The following TLL2 variants were observed in gnomAD, a reference collection of about 807,000 sequenced individuals.
TLL2 encodes tolloid-like protein 2.
TLL2 carries 106 observed loss-of-function variants against 123.0 expected under a neutral mutation model. The ratio of observed to expected loss-of-function variants is 0.86; its 90% CI spans 0.74 to 1.01. TLL2 has a LOEUF of 1.01. Among genes scored for constraint, TLL2 ranks in the 50% least tolerant of loss-of-function variants. The probability of loss-of-function intolerance (pLI) is 0.00; values close to 1 mark genes in which losing one functional copy is unlikely to be tolerated. For synonymous variants in TLL2, 494 were observed against 516.8 expected (o/e 0.96, Z 0.60); for missense variants, 1,332 against 1,336.7 (o/e 1.00, Z 0.06).
chr10:96,497,334 A>G (rs1008719105), intron 1 of TLL2, among the ~76,000 whole-genome samples: 1 of 152,158 alleles, frequency 6.6e-6, no homozygotes, highest in Non-Finnish European at 1.5e-5. Context: ...TACAGATACT[A>G]AAAATATTTC....
intron 3 of TLL2, among the ~76,000 whole-genome samples, chr10:96,444,648 C>T (rs1332866359): frequency 6.6e-6 from 1 of 151,764 alleles, no homozygotes; most frequent in East Asian, 1.9e-4. Context: ...CCTGGGAAAG[C>T]GTAGAGGGTT....
intron 7 of TLL2, among the ~76,000 whole-genome samples, chr10:96,417,631 T>A (rs1846576373): frequency 6.6e-6 from 1 of 152,184 alleles, no homozygotes; most frequent in South Asian, 2.1e-4. Context: ...GGCTTGCAGC[T>A]TCCCCGCTTG....
At chr10:96,386,630 G>A (rs1047100605) in intron 14 of TLL2, among the ~76,000 whole-genome samples, 2 of 152,208 alleles carry the variant, frequency 1.3e-5, no homozygotes, top group Non-Finnish European at 2.9e-5. Context: ...AGTGCTATCG[G>A]TTGAGTCACT....
At chr10:96,497,458 G>C (rs369259770) in intron 1 of TLL2, among the ~76,000 whole-genome samples, 3 of 152,156 alleles carry the variant, frequency 2.0e-5, no homozygotes, top group Non-Finnish European at 4.4e-5. Flanking sequence ...TTCTGTGGAC[G>C]GCATCCTCCA....
At chr10:96,510,987 G>A (rs1027289028) in intron 1 of TLL2, among the ~76,000 whole-genome samples, 2 of 152,116 alleles carry the variant, frequency 1.3e-5, no homozygotes, top group Admixed American at 6.5e-5. Flanking sequence ...GAGGGGAGTC[G>A]TCCCGGTAAC....
At chr10:96,464,166 C>T (rs560682620) in intron 2 of TLL2, among the ~76,000 whole-genome samples, 2 of 152,128 alleles carry the variant, frequency 1.3e-5, no homozygotes, top group East Asian at 3.9e-4. Context: ...AGTAGGATTA[C>T]TTGAGTCAGG....
chr10:96,447,860 G>A (rs1846913922), intron 2 of TLL2, among the ~76,000 whole-genome samples: 1 of 152,156 alleles, frequency 6.6e-6, no homozygotes, highest in Admixed American at 6.5e-5. Context: ...ACCCAGGGTT[G>A]CCCAGCCCAT....
chr10:96,462,278 T>C (rs951713980), intron 2 of TLL2, among the ~76,000 whole-genome samples: 3 of 152,178 alleles, frequency 2.0e-5, no homozygotes, highest in African/African-American at 7.2e-5. Flanking sequence ...CTTCCCCTAG[T>C]GTTCTAACAG....
intron 2 of TLL2, among the ~76,000 whole-genome samples, chr10:96,465,184 A>G (rs1218005586): frequency 1.3e-5 from 2 of 151,952 alleles, no homozygotes; most frequent in Non-Finnish European, 2.9e-5. Flanking sequence ...AGCTCTGTTC[A>G]AGAAGAACTG....
At position 96,409,986 on chromosome 10, in the gene TLL2, C is replaced by T. The variant is rs117731624; in HGVS notation, c.1164+373G>A. ...GTTCTTTAAGCCCCAAATGCTGAGA[C>T]GGAGGCTGGGGGGAAGAATAGCCAG... is the stretch of plus-strand genomic sequence containing the variant. On this transcript the variant is annotated intron_variant, in intron 9 of 20. Transcript: ENST00000357947. Among the ~76,000 whole-genome samples, 15 of 152,266 alleles carry T rather than the reference C, an allele frequency of 9.9e-5. No individual in the cohort carries two copies. In the East Asian group the frequency reaches 2.5e-3, roughly 25 times the overall value.
chr10:96,426,978 G>A (rs1445618481), intron 5 of TLL2, among the ~76,000 whole-genome samples: 1 of 152,040 alleles, frequency 6.6e-6, no homozygotes, highest in Non-Finnish European at 1.5e-5. Flanking sequence ...TATTGTCAAC[G>A]GGTGATGTGG....
intron 1 of TLL2, among the ~76,000 whole-genome samples, 185 bp downstream of exon 1, chr10:96,513,326 G>C (rs1328399415): frequency 6.6e-6 from 1 of 152,206 alleles, no homozygotes; most frequent in Non-Finnish European, 1.5e-5. Flanking sequence ...ACCTGGGGCC[G>C]GGACATCCCA....
intron 1 of TLL2, among the ~76,000 whole-genome samples, chr10:96,492,136 G>A (rs995465803): frequency 2.0e-5 from 3 of 151,790 alleles, no homozygotes; most frequent in East Asian, 3.9e-4. Context: ...CTGGGACCAG[G>A]CCGAATGCCC....
chr10:96,390,643 CTCCTCTT>C, intron 13 of TLL2, among the ~76,000 whole-genome samples: 1 of 152,370 alleles, frequency 6.6e-6, no homozygotes, highest in East Asian at 1.9e-4. Flanking sequence ...GGCCTTTGAG[CTCCTCTT>C]CCAGCTTCTT....
chr10:96,495,259 G>A (rs965027504), intron 1 of TLL2, among the ~76,000 whole-genome samples: 4 of 152,142 alleles, frequency 2.6e-5, no homozygotes, highest in East Asian at 1.9e-4. Flanking sequence ...GGCCAGAGGC[G>A]GGGAGCGTTA....
chr10:96,504,831 G>A (rs925398721), intron 1 of TLL2, among the ~76,000 whole-genome samples: 20 of 152,054 alleles, frequency 1.3e-4, no homozygotes, highest in Admixed American at 1.2e-3. Flanking sequence ...ACGTTTCACC[G>A]TGTCATCTCT....
At chr10:96,413,569 G>A (rs902239082) in intron 7 of TLL2, among the ~76,000 whole-genome samples, 1 of 152,164 alleles carries the variant, frequency 6.6e-6, no homozygotes, top group Non-Finnish European at 1.5e-5. Context: ...GCCCTAGTGC[G>A]GTAGCCCAGG....
intron 6 of TLL2, among the ~76,000 whole-genome samples, chr10:96,421,887 A>G (rs1345912063): frequency 6.6e-6 from 1 of 152,134 alleles, no homozygotes; most frequent in Non-Finnish European, 1.5e-5. Flanking sequence ...CTGATCTTGC[A>G]ATTTGAAGAA....
intron 13 of TLL2, among the ~76,000 whole-genome samples, chr10:96,390,242 G>A (rs112147269): frequency 0.026 from 3,986 of 152,342 alleles, 65 homozygotes; most frequent in South Asian, 0.066. Flanking sequence ...GAAAGGGAAG[G>A]CAGGGCATAT....
Sources: gnomAD v4.1 joint callset for allele counts (sites outside exome capture counted in the v4.1 genomes callset) on GRCh38, gnomAD v4.1.1 for gene constraint, MANE v1.5 for transcripts, NCBI Gene and HGNC (gene_info 2026-07-23, HGNC 2026-07-21) for gene names.